Variants in OR2L13 observed in about 807,000 individuals in gnomAD.
The protein encoded by OR2L13 is olfactory receptor 2L13.
OR2L13 carries 14 observed loss-of-function variants against 15.3 expected under a neutral mutation model. The observed-to-expected ratio is 0.91, with a 90% CI of 0.60 to 1.43. The LOEUF is 1.43. Among genes scored for constraint, OR2L13 ranks in the 40% most tolerant of loss-of-function variants. OR2L13 has a pLI of 0.00. For synonymous variants in OR2L13, 152 were observed against 142.9 expected (o/e 1.06, Z -0.45); for missense variants, 367 against 387.9 (o/e 0.95, Z 0.45).
the OR2L13 span, among the ~76,000 whole-genome samples, chr1:248,044,830 A>C: frequency 6.1e-4 from 51 of 83,488 alleles, 4 homozygotes; most frequent in East Asian, 7.1e-3. Flanking sequence ...AAAAAAAAAA[A>C]AAAAAAAAAC....
chr1:247,937,416 C>T, the OR2L13 span: 6,250 of 157,392 alleles, frequency 0.04, 189 homozygotes, highest in African/African-American at 0.072. Flanking sequence ...GGGGACGGGG[C>T]GGTTACCGCA....
At chr1:248,047,317 T>C in the OR2L13 span, among the ~76,000 whole-genome samples, 1 of 151,728 alleles carries the variant, frequency 6.6e-6, no homozygotes, top group Non-Finnish European at 1.5e-5. Flanking sequence ...ATCTTATTGC[T>C]ACTTCTCACT....
chr1:247,948,845 G>A, the OR2L13 span: 1 of 1,586,652 alleles, frequency 6.3e-7, no homozygotes, highest in South Asian at 1.2e-5. Flanking sequence ...CGAATGGATT[G>A]TAGGAATGCT....
At chr1:247,975,486 T>G in the OR2L13 span, 1 of 876,704 alleles carries the variant, frequency 1.1e-6, no homozygotes, top group Non-Finnish European at 1.9e-6. Context: ...CAATGTTTGC[T>G]TATACCTATC....
the OR2L13 span, among the ~76,000 whole-genome samples, chr1:248,016,523 G>A: frequency 4.0e-5 from 6 of 151,884 alleles, no homozygotes; most frequent in East Asian, 1.9e-4. Context: ...AATCTTATTC[G>A]TGATATAAAA....
chr1:248,064,477 C>T, the OR2L13 span, among the ~76,000 whole-genome samples: 16 of 152,262 alleles, frequency 1.1e-4, 1 homozygote, highest in South Asian at 1.9e-3. Context: ...ATAGGTTACC[C>T]AGTTTAAGAC....
the OR2L13 span, among the ~76,000 whole-genome samples, chr1:248,018,704 A>T: frequency 6.6e-6 from 1 of 152,214 alleles, no homozygotes; most frequent in Non-Finnish European, 1.5e-5. Flanking sequence ...CTGTGGCATT[A>T]AGGACATTTA....
chr1:248,018,699 G>T, the OR2L13 span, among the ~76,000 whole-genome samples: 2 of 152,122 alleles, frequency 1.3e-5, no homozygotes, highest in African/African-American at 4.8e-5. Flanking sequence ...CAGTTCTGTG[G>T]CATTAAGGAC....
chr1:247,986,324 A>G, the OR2L13 span, among the ~76,000 whole-genome samples: 103 of 152,292 alleles, frequency 6.8e-4, 1 homozygote, highest in African/African-American at 2.3e-3. Flanking sequence ...TCAGCTTTCT[A>G]CATATGGCTA....
At chr1:247,991,296 A>G in the OR2L13 span, 11 of 768,140 alleles carry the variant, frequency 1.4e-5, 1 homozygote, top group Middle Eastern at 2.4e-4. Context: ...CATGCCCAGT[A>G]TGTCAAACGG....
the OR2L13 span, among the ~76,000 whole-genome samples, chr1:248,075,322 T>C: frequency 2.2e-4 from 34 of 152,340 alleles, no homozygotes; most frequent in Non-Finnish European, 4.6e-4. Flanking sequence ...TATGTGTGCA[T>C]GTGTCTTTAT....
the OR2L13 span, among the ~76,000 whole-genome samples, chr1:247,973,464 A>G: frequency 6.6e-6 from 1 of 152,146 alleles, no homozygotes; most frequent in Non-Finnish European, 1.5e-5. Flanking sequence ...AAAAATCACT[A>G]GCATTCTTAT....
chr1:248,060,695 A>G, the OR2L13 span: 1 of 1,612,586 alleles, frequency 6.2e-7, no homozygotes, highest in Non-Finnish European at 8.5e-7. Flanking sequence ...GAAAATTACA[A>G]TCAAACATCA....
chr1:247,938,672 T>A, the OR2L13 span, among the ~76,000 whole-genome samples: 7 of 152,026 alleles, frequency 4.6e-5, no homozygotes, highest in African/African-American at 7.2e-5. Flanking sequence ...ACATACACAC[T>A]GACACACACA....
chr1:248,010,784 T>TTTTTTTTTTTTTC, the OR2L13 span, among the ~76,000 whole-genome samples: 1 of 142,388 alleles, frequency 7.0e-6, no homozygotes, highest in African/African-American at 2.6e-5. Context: ...TTTTTTTTTT[T>TTTTTTTTTTTTTC]TTTGCTTTCC....
the OR2L13 span, among the ~76,000 whole-genome samples, chr1:248,055,253 G>A: frequency 0.033 from 5,058 of 152,204 alleles, 288 homozygotes; most frequent in African/African-American, 0.11. Context: ...ATTGATTTGT[G>A]TATGTACAAC....
At chr1:247,987,900 C>CA in the OR2L13 span, among the ~76,000 whole-genome samples, 3 of 151,976 alleles carry the variant, frequency 2.0e-5, no homozygotes, top group Admixed American at 2.0e-4. Flanking sequence ...TGATTAAATA[C>CA]AAAAAATATA....
At chr1:248,004,163 G>A in the OR2L13 span, 1 of 1,044,562 alleles carries the variant, frequency 9.6e-7, no homozygotes, top group Non-Finnish European at 1.3e-6. Flanking sequence ...GAGTTCAGGA[G>A]CAAAAAGTAA....
the OR2L13 span, chr1:248,038,037 G>T: frequency 2.5e-6 from 1 of 406,858 alleles, no homozygotes; most frequent in Non-Finnish European, 4.4e-6. Flanking sequence ...AGTTGTAATT[G>T]TTCTATTTTA....
Sources: gnomAD v4.1 joint callset for allele counts (sites outside exome capture counted in the v4.1 genomes callset) on GRCh38, gnomAD v4.1.1 for gene constraint, MANE v1.5 for transcripts, NCBI Gene and HGNC (gene_info 2026-07-23, HGNC 2026-07-21) for gene names.